CNTNAP2: variants seen among roughly 807,000 people sequenced by gnomAD.
The protein encoded by CNTNAP2 is contactin associated protein 2, also known as contactin-associated protein-like 2.
Under a neutral mutation model 155.2 loss-of-function variants are expected in CNTNAP2, and 98 were observed. The observed-to-expected ratio is 0.63, with a 90% CI of 0.54 to 0.75. The LOEUF is 0.75. CNTNAP2 is among the 30% of genes least tolerant of loss of function. The pLI is 0.00. For synonymous variants in CNTNAP2, 651 were observed against 631.2 expected, an observed-to-expected ratio of 1.03 and a Z score of -0.47; for missense variants, 1,727 against 1,688.1, an observed-to-expected ratio of 1.02 and a Z score of -0.40.
intron 12 of CNTNAP2, among the ~76,000 whole-genome samples, chr7:147,594,143 T>TC (rs1800786271): frequency 6.6e-6 from 1 of 150,456 alleles, no homozygotes; most frequent in Admixed American, 6.6e-5. Context: ...TTTTTTTTTT[T>TC]TGAGATGGAG....
chr7:147,050,618 T>C (rs962672085), intron 4 of CNTNAP2, among the ~76,000 whole-genome samples: 1 of 152,212 alleles, frequency 6.6e-6, no homozygotes, highest in Non-Finnish European at 1.5e-5. Flanking sequence ...CGTCTGCATC[T>C]CTAGTGAGAA....
intron 1 of CNTNAP2, among the ~76,000 whole-genome samples, chr7:146,273,344 A>T (rs1042909698): frequency 5.9e-5 from 9 of 152,178 alleles, no homozygotes; most frequent in African/African-American, 2.2e-4. Context: ...TAATATAAAA[A>T]TGTAAGATAA....
intron 1 of CNTNAP2, among the ~76,000 whole-genome samples, chr7:146,495,829 G>T (rs189230769): frequency 6.6e-6 from 1 of 151,996 alleles, no homozygotes; most frequent in African/African-American, 2.4e-5. Context: ...TAGGCTTATG[G>T]GTACAAGTGG....
intron 1 of CNTNAP2, among the ~76,000 whole-genome samples, chr7:146,233,800 A>AT (rs1799426095): frequency 6.7e-6 from 1 of 150,134 alleles, no homozygotes; most frequent in South Asian, 2.1e-4. Context: ...GGAACTCATC[A>AT]TTTTTTATGG....
At chr7:146,870,397 T>A (rs1342725681) in intron 3 of CNTNAP2, among the ~76,000 whole-genome samples, 6 of 152,162 alleles carry the variant, frequency 3.9e-5, no homozygotes, top group Admixed American at 3.9e-4. Flanking sequence ...TTCTGATGGT[T>A]GTTTTTATTT....
At chr7:147,916,196 TG>T (rs1422503134) in intron 14 of CNTNAP2, among the ~76,000 whole-genome samples, 2 of 152,112 alleles carry the variant, frequency 1.3e-5, no homozygotes. Context: ...TTATTGGCAA[TG>T]GGGAAGGGGA....
chr7:146,771,156 C>T (rs140182021), intron 1 of CNTNAP2, among the ~76,000 whole-genome samples: 188 of 152,240 alleles, frequency 1.2e-3, no homozygotes, highest in African/African-American at 4.3e-3. Flanking sequence ...TTTAATGTTC[C>T]TTCTTAGTAT....
chr7:147,715,612 T>C (rs1013253360), intron 13 of CNTNAP2, among the ~76,000 whole-genome samples: 2 of 152,144 alleles, frequency 1.3e-5, no homozygotes, highest in African/African-American at 4.8e-5. Flanking sequence ...GTGAGATAGA[T>C]GATTTGCAAA....
At chr7:147,305,761 C>T (rs1036259734) in intron 9 of CNTNAP2, among the ~76,000 whole-genome samples, 5 of 152,092 alleles carry the variant, frequency 3.3e-5, no homozygotes, top group Non-Finnish European at 7.3e-5. Flanking sequence ...ACCACAAACA[C>T]GGTGGCTTAA....
At chr7:146,853,799 T>C (rs1794926031) in intron 3 of CNTNAP2, among the ~76,000 whole-genome samples, 1 of 152,182 alleles carries the variant, frequency 6.6e-6, no homozygotes, top group Non-Finnish European at 1.5e-5. Flanking sequence ...CCTTGACTAT[T>C]GAATGTATTT....
intron 18 of CNTNAP2, among the ~76,000 whole-genome samples, chr7:148,198,844 C>T (rs1795321779): frequency 6.6e-6 from 1 of 152,258 alleles, no homozygotes; most frequent in Non-Finnish European, 1.5e-5. Context: ...AACTCCTTCT[C>T]ACCCTGGTGG....
intron 1 of CNTNAP2, among the ~76,000 whole-genome samples, chr7:146,256,105 A>G (rs1048234594): frequency 6.6e-6 from 1 of 152,214 alleles, no homozygotes; most frequent in Non-Finnish European, 1.5e-5. Flanking sequence ...TCATGCATGC[A>G]TAAAGTGTGT....
chr7:146,292,828 A>G lies in CNTNAP2; in HGVS notation c.97+175855A>G, dbSNP rs115806628. ...TATATGTGGAATCTAAAACAGTCAA[A>G]TTGAAAGAAGCAGAGAGTAGAATAG... On this transcript the variant is annotated intron_variant, in intron 1 of 23. Transcript: ENST00000361727. 6.0e-4 allele frequency among the ~76,000 whole-genome samples: 91 copies of G among 152,318 alleles called. 1 individual carries two copies. Among genetic ancestry groups the G allele is most frequent in the African/African-American group, 2.2e-3 (90 of 41,572 alleles).
At chr7:147,531,171 G>A (rs919936597) in intron 11 of CNTNAP2, among the ~76,000 whole-genome samples, 1 of 152,182 alleles carries the variant, frequency 6.6e-6, no homozygotes, top group Non-Finnish European at 1.5e-5. Context: ...GGCTGGAGTT[G>A]AGTGTCTGTG....
chr7:146,895,196 T>A (rs1386421912), intron 3 of CNTNAP2, among the ~76,000 whole-genome samples: 9 of 148,454 alleles, frequency 6.1e-5, no homozygotes. Context: ...CCTTCCTACA[T>A]CCTTCCCTTC....
Position 148,068,666 on chromosome 7 carries a change from A to G in CNTNAP2, c.2384-49452A>G, listed in dbSNP as rs181247725. Among the ~76,000 whole-genome samples the G allele has an allele frequency of 1.3e-4, 20 of 152,274 alleles. No individual in the cohort carries two copies. The East Asian group carries it at 1.7e-3, about 13-fold the overall frequency. On this transcript the variant is annotated intron_variant, in intron 15 of 23. Transcript: ENST00000361727. Reference sequence around the variant, plus strand: ...GGTGAGACCAGCACAGCCCTTTTCTAGGGCTGATTTTTTCCCAATAATGTT... The same window carrying G: ...GGTGAGACCAGCACAGCCCTTTTCTGGGGCTGATTTTTTCCCAATAATGTT...
chr7:147,335,101 T>C (rs1466740660), intron 9 of CNTNAP2, among the ~76,000 whole-genome samples: 1 of 152,160 alleles, frequency 6.6e-6, no homozygotes, highest in Non-Finnish European at 1.5e-5. Flanking sequence ...AGGTATTCAG[T>C]TTATATTAAA....
intron 1 of CNTNAP2, among the ~76,000 whole-genome samples, chr7:146,664,391 C>T (rs553098482): frequency 6.6e-6 from 1 of 152,046 alleles, no homozygotes; most frequent in African/African-American, 2.4e-5. Context: ...AATCTCCTGA[C>T]CTTAAACAAT....
At chr7:148,255,889 C>G (rs1796446041) in intron 20 of CNTNAP2, among the ~76,000 whole-genome samples, 1 of 152,128 alleles carries the variant, frequency 6.6e-6, no homozygotes. Context: ...AATATTGGTT[C>G]AAGGCTGATG....
Sources: gnomAD v4.1 joint callset for allele counts (sites outside exome capture counted in the v4.1 genomes callset) on GRCh38, gnomAD v4.1.1 for gene constraint, MANE v1.5 for transcripts, NCBI Gene and HGNC (gene_info 2026-07-23, HGNC 2026-07-21) for gene names.